The following SGCZ variants were observed in gnomAD, a reference collection of about 807,000 sequenced individuals.
The protein encoded by SGCZ is zeta-sarcoglycan.
A neutral mutation model predicts 41.3 loss-of-function variants in SGCZ; 40 were observed. That is an observed-to-expected ratio of 0.97 (90% CI 0.75 to 1.26). SGCZ has a LOEUF of 1.26. Ranked by LOEUF, SGCZ falls within the 50% of genes most tolerant of loss-of-function variation. SGCZ has a pLI of 0.00. For synonymous variants in SGCZ, 206 were observed against 137.5 expected, an observed-to-expected ratio of 1.50 and a Z score of -3.49; for missense variants, 552 against 369.8, an observed-to-expected ratio of 1.49 and a Z score of -4.04.
chr8:14,093,584 G>A (rs375666403), intron 7 of SGCZ, among the ~76,000 whole-genome samples: 2 of 152,018 alleles, frequency 1.3e-5, no homozygotes, highest in South Asian at 4.1e-4. Flanking sequence ...TTTAATGAGT[G>A]GGGGGAGATA....
intron 5 of SGCZ, among the ~76,000 whole-genome samples, chr8:14,118,788 A>G (rs1802602063): frequency 6.6e-6 from 1 of 152,160 alleles, no homozygotes; most frequent in Non-Finnish European, 1.5e-5. Flanking sequence ...ATGGCTAGCC[A>G]GTTTTCCCAA....
chr8:14,884,943 C>G (rs1019868956), intron 1 of SGCZ, among the ~76,000 whole-genome samples: 1 of 152,102 alleles, frequency 6.6e-6, no homozygotes, highest in Non-Finnish European at 1.5e-5. Context: ...TCAGCTGTGA[C>G]TTCTGCAGGA....
intron 1 of SGCZ, among the ~76,000 whole-genome samples, chr8:14,789,066 C>G (rs1163654764): frequency 6.6e-6 from 1 of 152,118 alleles, no homozygotes; most frequent in Non-Finnish European, 1.5e-5. Flanking sequence ...CAGCCAACAA[C>G]CCTGCGCCTC....
chr8:14,221,796 G>C (rs938818416), intron 4 of SGCZ, among the ~76,000 whole-genome samples: 1 of 152,012 alleles, frequency 6.6e-6, no homozygotes, highest in African/African-American at 2.4e-5. Context: ...AATTAGCTGG[G>C]TGTGATGGCG....
chr8:14,201,659 G>A (rs578118955), intron 4 of SGCZ, among the ~76,000 whole-genome samples: 1 of 152,114 alleles, frequency 6.6e-6, no homozygotes, highest in East Asian at 1.9e-4. Context: ...ACTACCAAGG[G>A]GCATAATGTA....
chr8:14,895,921 T>C (rs1805179105), intron 1 of SGCZ, among the ~76,000 whole-genome samples: 1 of 152,200 alleles, frequency 6.6e-6, no homozygotes, highest in South Asian at 2.1e-4. Flanking sequence ...ATAATGTGTA[T>C]ATAGGGTTGA....
intron 2 of SGCZ, among the ~76,000 whole-genome samples, chr8:14,509,823 G>A (rs1049802273): frequency 6.6e-6 from 1 of 152,124 alleles, no homozygotes; most frequent in Admixed American, 6.6e-5. Flanking sequence ...ATTTTACAAA[G>A]TGGCAGGAGA....
At chr8:14,291,599 T>A (rs1170883810) in intron 3 of SGCZ, among the ~76,000 whole-genome samples, 1 of 152,048 alleles carries the variant, frequency 6.6e-6, no homozygotes, top group Non-Finnish European at 1.5e-5. Flanking sequence ...GTACTAGTTG[T>A]TTTACTAATA....
chr8:15,119,108 T>C (rs1483215579), intron 1 of SGCZ, among the ~76,000 whole-genome samples: 5 of 152,226 alleles, frequency 3.3e-5, no homozygotes, highest in Non-Finnish European at 4.4e-5. Flanking sequence ...TTACTTCTTA[T>C]CCTTTTAAGG....
At chr8:14,246,854 G>A (rs549216650) in intron 3 of SGCZ, among the ~76,000 whole-genome samples, 160 of 143,166 alleles carry the variant, frequency 1.1e-3, no homozygotes, top group Non-Finnish European at 1.5e-3. Flanking sequence ...AGCTTGCAGT[G>A]AGCCGAGATC....
rs75191362 is a variant in SGCZ at position 14,762,235 on chromosome 8, T to C, written c.40-207309A>G. ...CTGTGAGTGAAATTTAACTATGGGA[T>C]ATGGAGTCATGAATAAATCTCCATG... On this transcript the variant is annotated intron_variant, in intron 1 of 7. Coordinates refer to ENST00000382080, the MANE Select transcript of SGCZ (RefSeq NM_139167.4). 5.6e-3 allele frequency among the ~76,000 whole-genome samples: 849 copies of C among 152,330 alleles called. 14 individuals carry two copies. Among genetic ancestry groups the C allele is most frequent in the African/African-American group, 0.019 (806 of 41,572 alleles).
chr8:14,512,498 T>C (rs7823243), intron 2 of SGCZ, among the ~76,000 whole-genome samples: 111,762 of 152,018 alleles, frequency 0.74, 41,134 homozygotes, highest in South Asian at 0.81. Flanking sequence ...TCTCGCTCTG[T>C]TGCTCAGGCT....
chr8:14,874,587 C>A (rs562830745), intron 1 of SGCZ, among the ~76,000 whole-genome samples: 1 of 152,062 alleles, frequency 6.6e-6, no homozygotes, highest in South Asian at 2.1e-4. Context: ...TATGTAGATT[C>A]TCTTCTAATA....
At chr8:15,135,584 T>G (rs1236993395) in intron 1 of SGCZ, among the ~76,000 whole-genome samples, 3 of 152,198 alleles carry the variant, frequency 2.0e-5, no homozygotes, top group Non-Finnish European at 4.4e-5. Flanking sequence ...TTTTCTGTCT[T>G]TACAGAGTAA....
At chr8:14,990,104 C>T (rs959911915) in intron 1 of SGCZ, among the ~76,000 whole-genome samples, 3 of 152,122 alleles carry the variant, frequency 2.0e-5, no homozygotes, top group South Asian at 4.1e-4. Flanking sequence ...CAAACGTTGC[C>T]CTGCACACAG....
At chr8:14,650,186 G>A (rs917183715) in intron 1 of SGCZ, among the ~76,000 whole-genome samples, 1 of 151,918 alleles carries the variant, frequency 6.6e-6, no homozygotes, top group African/African-American at 2.4e-5. Flanking sequence ...CAAAACTACT[G>A]GAGTTAACAC....
rs529340938 is a variant in SGCZ at position 14,089,644 on chromosome 8, T to C, written c.*799A>G. Among the ~76,000 whole-genome samples the C allele has an allele frequency of 2.2e-3, 337 of 152,092 alleles. 2 individuals carry two copies. The highest frequency in any genetic ancestry group is 7.5e-3 in the African/African-American group (313 of 41,532). On this transcript the variant is annotated 3_prime_UTR_variant, in exon 8 of 8. Transcript: ENST00000382080. ...TTCTTAATCCTGTCTTATATTGCAA[T>C]AGAGTAGATGTTTTGTTAAAAGCAA... is the stretch of plus-strand genomic sequence containing the variant.
At chr8:14,829,314 T>G (rs1449083822) in intron 1 of SGCZ, among the ~76,000 whole-genome samples, 1 of 152,216 alleles carries the variant, frequency 6.6e-6, no homozygotes. Context: ...ATTGACATCA[T>G]TAAATTCCCA....
intron 2 of SGCZ, among the ~76,000 whole-genome samples, chr8:14,380,730 C>T (rs922575104): frequency 3.3e-5 from 5 of 152,044 alleles, no homozygotes; most frequent in Non-Finnish European, 7.4e-5. Context: ...TGCGTATCTG[C>T]AGTCCCAGCT....
Sources: allele counts gnomAD v4.1 joint callset (sites outside exome capture counted in the v4.1 genomes callset), GRCh38; gene constraint gnomAD v4.1.1; transcripts MANE v1.5; gene names NCBI Gene and HGNC (gene_info 2026-07-23, HGNC 2026-07-21).